DENND1B: variants seen among roughly 807,000 people sequenced by gnomAD.
DENND1B encodes DENN domain containing 1B.
Under a neutral mutation model 90.1 loss-of-function variants are expected in DENND1B, and 59 were observed. The observed-to-expected ratio is 0.65, with a 90% CI of 0.53 to 0.81. The LOEUF is 0.81. DENND1B is among the 40% of genes least tolerant of loss of function. DENND1B has a pLI of 0.00. For missense variants in DENND1B, 862 were observed against 912.6 expected (o/e 0.94, Z 0.71); for synonymous variants, 337 against 324.6 (o/e 1.04, Z -0.41).
intron 20 of DENND1B, among the ~76,000 whole-genome samples, chr1:197,529,234 ATATATATATG>A (rs1446965732): frequency 5.0e-4 from 6 of 11,966 alleles, no homozygotes; most frequent in African/African-American, 1.0e-3. Flanking sequence ...ATATATATAT[ATATATATATG>A]TGTGTGTGTG....
At chr1:197,547,704 A>G (rs1236376005) in intron 16 of DENND1B, among the ~76,000 whole-genome samples, 1 of 152,188 alleles carries the variant, frequency 6.6e-6, no homozygotes, top group Non-Finnish European at 1.5e-5. Flanking sequence ...CCCTGTTTAA[A>G]AGGTGTGAGT....
At chr1:197,681,422 A>G (rs553083273) in intron 3 of DENND1B, among the ~76,000 whole-genome samples, 1 of 152,260 alleles carries the variant, frequency 6.6e-6, no homozygotes, top group African/African-American at 2.4e-5. Context: ...ATATCAACAG[A>G]TATTTTCAAT....
At position 197,510,712 on chromosome 1, in the gene DENND1B, T is replaced by C. The variant is rs767560826; in HGVS notation, c.2076A>G (p.Glu692=). 2 of 1,612,672 alleles carry C rather than the reference T, an allele frequency of 1.2e-6. No individual in the cohort carries two copies. Among genetic ancestry groups the C allele is most frequent in the Non-Finnish European group, 1.7e-6 (2 of 1,179,210 alleles). ...TTTTTCCTTTATCAGTCTGGGAAAC[T>C]TCAGGGGAAGTGAGTTGGAAATCCA... The part of the protein sequence containing the change: ...SGLDFQLTSP[E]VSQTDKGKTE... The change falls in exon 23 of 23, where the codon GAA becomes GAG. Residue 692 remains glutamate, a synonymous_variant. Coordinates refer to ENST00000620048, the MANE Select transcript of DENND1B (RefSeq NM_001195215.2).
In DENND1B at chr1:197,775,224, G is replaced by A; in HGVS notation, c.-69C>T. On this transcript the variant is annotated 5_prime_UTR_variant, in exon 1 of 23. Transcript: ENST00000620048. ...TGGCCTGGAAGCCCGCAGCCCGGCC[G>A]CGCGAGGGTCGCGCCGTCCCCGCCC... 1 of 1,197,902 alleles carries A rather than the reference G, an allele frequency of 8.3e-7. No individual in the cohort carries two copies. The highest frequency in any genetic ancestry group is 1.1e-6 in the Non-Finnish European group (1 of 949,480). The allele number at this position is 1,197,902 out of a possible 1,614,324, so 74.2% of individuals were successfully genotyped here. A position where few individuals can be genotyped will look rare whatever the true frequency, so the allele number is the denominator to read the frequency against.
At chr1:197,603,681 T>A (rs1318615316) in intron 13 of DENND1B, among the ~76,000 whole-genome samples, 1 of 151,304 alleles carries the variant, frequency 6.6e-6, no homozygotes, top group Non-Finnish European at 1.5e-5. Flanking sequence ...AATTATTAGC[T>A]TAATTCCTAG....
At position 197,554,832 on chromosome 1, in the gene DENND1B, C is replaced by CAAAA. The variant is rs11440581; in HGVS notation, c.1150-1724_1150-1721dup. 8.7e-4 allele frequency among the ~76,000 whole-genome samples: 60 copies of CAAAA among 69,086 alleles called. 1 individual carries two copies. Among genetic ancestry groups the CAAAA allele is most frequent in the East Asian group, 2.1e-3 (4 of 1,902 alleles). The allele number at this position is 69,086 out of a possible 152,430, so 45.3% of individuals were successfully genotyped here. On this transcript the variant is annotated intron_variant, in intron 15 of 22. Coordinates refer to ENST00000620048, the MANE Select transcript of DENND1B (RefSeq NM_001195215.2). ...ACTCCAGCCTGGCAAGACTCCATCT[C>CAAAA]AAAAAAAAAAAAAAAAAAAAAGAGG...
Position 197,546,679 on chromosome 1 carries a change from C to T in DENND1B, c.1281+54G>A, listed in dbSNP as rs556069426. 51 of 1,438,756 alleles carry T rather than the reference C, an allele frequency of 3.5e-5. 1 individual carries two copies. In the African/African-American group the frequency reaches 7.0e-4, roughly 20 times the overall value. The allele number at this position is 1,438,756 out of a possible 1,614,324, so 89.1% of individuals were successfully genotyped here. ...GTATAAACAGCATACTTTTGCTGAA[C>T]ATTTCTCCATTTATATTAGAGTGAA... On this transcript the variant is annotated intron_variant, in intron 17 of 22. Transcript: ENST00000620048.
At chr1:197,637,611 C>A (rs1405833321) in intron 10 of DENND1B, among the ~76,000 whole-genome samples, 3 of 152,164 alleles carry the variant, frequency 2.0e-5, no homozygotes, top group African/African-American at 2.4e-5. Context: ...CATTTCCCCA[C>A]TCCAGTCATA....
At chr1:197,726,757 G>C (rs1361702227) in intron 2 of DENND1B, among the ~76,000 whole-genome samples, 1 of 152,136 alleles carries the variant, frequency 6.6e-6, no homozygotes, top group Non-Finnish European at 1.5e-5. Context: ...GTACTCAAGA[G>C]GTTATCAAGC....
chr1:197,566,999 A>G (rs959179662), intron 15 of DENND1B, among the ~76,000 whole-genome samples: 2 of 152,130 alleles, frequency 1.3e-5, no homozygotes, highest in South Asian at 2.1e-4. Context: ...AGACAGAAAT[A>G]GTGACAGTAA....
chr1:197,763,781 G>A (rs1459137081), intron 2 of DENND1B, among the ~76,000 whole-genome samples: 1 of 152,162 alleles, frequency 6.6e-6, no homozygotes, highest in Non-Finnish European at 1.5e-5. Flanking sequence ...GCAATGAGCT[G>A]AATTAGGTGC....
rs998438038 is a variant in DENND1B, at chr1:197,636,806, G to C, written c.672+5905C>G. 9.2e-5 allele frequency among the ~76,000 whole-genome samples: 14 copies of C among 152,114 alleles called. 1 individual carries two copies. Among genetic ancestry groups the C allele is most frequent in the Non-Finnish European group, 2.9e-5 (2 of 68,024 alleles). On this transcript the variant is annotated intron_variant, in intron 10 of 22. Transcript: ENST00000620048. ...CAGTTGAAGAACAGGAATCGGAGAA[G>C]AAAAGATTAAGGAGGTAGAACCTAT...
At chr1:197,572,526 C>G (rs548444520) in intron 15 of DENND1B, among the ~76,000 whole-genome samples, 1 of 152,344 alleles carries the variant, frequency 6.6e-6, no homozygotes, top group Admixed American at 6.5e-5. Flanking sequence ...CTTCTGCAGA[C>G]TTAAACATCC....
chr1:197,704,756 T>G (rs1659361210), intron 3 of DENND1B, among the ~76,000 whole-genome samples: 1 of 151,940 alleles, frequency 6.6e-6, no homozygotes, highest in African/African-American at 2.4e-5. Context: ...TTTTAAATTC[T>G]AAAGATACCA....
intron 3 of DENND1B, among the ~76,000 whole-genome samples, chr1:197,700,847 T>C (rs963553107): frequency 5.1e-4 from 77 of 152,298 alleles, no homozygotes; most frequent in African/African-American, 1.6e-3. Flanking sequence ...TTAACATCAC[T>C]GATCACCACA....
At chr1:197,538,990 G>T (rs1323499286) in intron 20 of DENND1B, among the ~76,000 whole-genome samples, 1 of 152,072 alleles carries the variant, frequency 6.6e-6, no homozygotes, top group African/African-American at 2.4e-5. Context: ...GGACTTTCCA[G>T]CCTCCCGAAC....
At chr1:197,535,164 G>A (rs1021685426) in intron 20 of DENND1B, among the ~76,000 whole-genome samples, 3 of 152,160 alleles carry the variant, frequency 2.0e-5, no homozygotes, top group African/African-American at 7.2e-5. Context: ...ATTCTCAGGA[G>A]AGAAGGCAAC....
At chr1:197,624,990 A>C (rs2125880144) in intron 10 of DENND1B, among the ~76,000 whole-genome samples, 1 of 152,156 alleles carries the variant, frequency 6.6e-6, no homozygotes, top group African/African-American at 2.4e-5. Context: ...AGAAACAAAC[A>C]AAGCCTCCAA....
At chr1:197,543,899 C>G (rs1391646765) in intron 18 of DENND1B, among the ~76,000 whole-genome samples, 2 of 151,980 alleles carry the variant, frequency 1.3e-5, no homozygotes, top group Non-Finnish European at 2.9e-5. Context: ...TTAAAATATA[C>G]TATTTTATTA....
Sources: allele counts gnomAD v4.1 joint callset (sites outside exome capture counted in the v4.1 genomes callset), GRCh38; gene constraint gnomAD v4.1.1; transcripts MANE v1.5; gene names NCBI Gene and HGNC (gene_info 2026-07-23, HGNC 2026-07-21).